The following FBXL5 variants were observed in gnomAD, a reference collection of about 807,000 sequenced individuals.
The protein encoded by FBXL5 is F-box/LRR-repeat protein 5.
A neutral mutation model predicts 78.3 loss-of-function variants in FBXL5; 26 were observed. The ratio of observed to expected loss-of-function variants is 0.33; its 90% CI spans 0.24 to 0.46. The LOEUF is 0.46. Ranked by LOEUF, FBXL5 falls within the 20% of genes least tolerant of loss-of-function variation. FBXL5 has a pLI of 1.00. For missense variants in FBXL5, 710 were observed against 829.2 expected (o/e 0.86, Z 1.77); for synonymous variants, 295 against 282.5 (o/e 1.04, Z -0.45).
chr4:15,613,245 A>C (rs1249159715), intron 9 of FBXL5, among the ~76,000 whole-genome samples: 3 of 152,146 alleles, frequency 2.0e-5, no homozygotes, highest in African/African-American at 7.2e-5. Context: ...TGGGATGATG[A>C]AAATGTTTTG....
intron 1 of FBXL5, among the ~76,000 whole-genome samples, chr4:15,651,919 C>G (rs969273079): frequency 6.6e-6 from 1 of 152,200 alleles, no homozygotes; most frequent in African/African-American, 2.4e-5. Context: ...ACTCCTGACA[C>G]TTTAATGTGG....
At chr4:15,676,492 T>G (rs1577522902) in intron 1 of FBXL5, among the ~76,000 whole-genome samples, 1 of 152,056 alleles carries the variant, frequency 6.6e-6, no homozygotes, top group East Asian at 1.9e-4. Flanking sequence ...CAAAGATATA[T>G]CAATAAAATG....
chr4:15,615,477 A>AATC (rs1300878982), intron 9 of FBXL5, among the ~76,000 whole-genome samples: 1 of 150,164 alleles, frequency 6.7e-6, no homozygotes. Context: ...TGAGTGCACC[A>AATC]GTCGACACTC....
At chr4:15,631,214 A>G (rs1478739809) in intron 5 of FBXL5, among the ~76,000 whole-genome samples, 1 of 152,196 alleles carries the variant, frequency 6.6e-6, no homozygotes, top group Non-Finnish European at 1.5e-5. Context: ...GATGGTTTCC[A>G]GCTTCATCCA....
chr4:15,660,478 A>G (rs899910598), upstream of FBXL5, among the ~76,000 whole-genome samples: 1 of 152,198 alleles, frequency 6.6e-6, no homozygotes, highest in Non-Finnish European at 1.5e-5. Flanking sequence ...CTACCTAGAA[A>G]TAGAGATGTC....
intron 1 of FBXL5, among the ~76,000 whole-genome samples, chr4:15,677,848 G>C (rs888976040): frequency 6.6e-6 from 1 of 152,200 alleles, no homozygotes; most frequent in African/African-American, 2.4e-5. Context: ...TATGGAGTCA[G>C]CCTGGAAGAA....
rs777080418 is a variant in FBXL5 at position 15,638,604 on chromosome 4, CCTT to C, written c.484_486del (p.Lys162del). 6.2e-7 allele frequency: 1 copy of C among 1,613,410 alleles called. No homozygotes were observed. Among genetic ancestry groups the C allele is most frequent in the South Asian group, 1.1e-5 (1 of 91,036 alleles). ...AGACCTCTAAGGAGTTCTGCAGTAT[CCTT>C]CTGAGAGCAGTGTTGTGCAATCACT... On this transcript the variant is annotated inframe_deletion, in exon 4 of 11. Transcript: ENST00000341285.
intron 9 of FBXL5, among the ~76,000 whole-genome samples, chr4:15,623,775 G>C (rs969404522): frequency 6.6e-6 from 1 of 151,854 alleles, no homozygotes; most frequent in African/African-American, 2.4e-5. Flanking sequence ...AGTTACCTCG[G>C]GGAAAACACT....
chr4:15,632,500 T>G (rs1713782002), intron 5 of FBXL5, among the ~76,000 whole-genome samples: 1 of 152,200 alleles, frequency 6.6e-6, no homozygotes, highest in South Asian at 2.1e-4. Context: ...CAAATTACCT[T>G]GGGCAGTATG....
At position 15,605,671 on chromosome 4, in the gene FBXL5, G is replaced by A. The variant is rs376736818; in HGVS notation, c.*52C>T. ...GAAATGTGCTATGAGTAAAGTGCAT[G>A]AAAGAAAGCCTGCTCAGCTAAATGA... On this transcript the variant is annotated 3_prime_UTR_variant, in exon 11 of 11. Coordinates refer to ENST00000341285, the MANE Select transcript of FBXL5 (RefSeq NM_012161.4). 2 of 1,515,396 alleles carry A rather than the reference G, an allele frequency of 1.3e-6. No individual in the cohort carries two copies. Among genetic ancestry groups the A allele is most frequent in the Non-Finnish European group, 1.8e-6 (2 of 1,093,578 alleles). 93.9% of individuals were successfully genotyped at this position (1,515,396 alleles called of 1,614,324 possible). A position where few individuals can be genotyped will look rare whatever the true frequency, so the allele number is the denominator to read the frequency against.
chr4:15,660,864 G>T (rs924529055), upstream of FBXL5, among the ~76,000 whole-genome samples: 2 of 152,048 alleles, frequency 1.3e-5, no homozygotes, highest in African/African-American at 4.8e-5. Context: ...ATCACTTCAG[G>T]TCAGGAGTTT....
At chr4:15,664,294 T>C (rs1053700904), upstream of FBXL5, among the ~76,000 whole-genome samples, 2 of 152,142 alleles carry the variant, frequency 1.3e-5, no homozygotes, top group African/African-American at 4.8e-5. Flanking sequence ...GAACTACTGG[T>C]TTCCCTGCTT....
intron 1 of FBXL5, among the ~76,000 whole-genome samples, chr4:15,677,089 ACT>A (rs1409630494): frequency 6.6e-6 from 1 of 152,130 alleles, no homozygotes; most frequent in African/African-American, 2.4e-5. Flanking sequence ...ACTATAATAA[ACT>A]CTGAAGACAA....
upstream of FBXL5, among the ~76,000 whole-genome samples, chr4:15,655,774 G>T (rs1357398404): frequency 6.6e-6 from 1 of 152,208 alleles, no homozygotes; most frequent in East Asian, 1.9e-4. Context: ...GGTGACCAAT[G>T]CTTCTGGCCA....
At chr4:15,612,775 C>G (rs1722354861) in intron 9 of FBXL5, among the ~76,000 whole-genome samples, 2 of 151,860 alleles carry the variant, frequency 1.3e-5, no homozygotes, top group Non-Finnish European at 2.9e-5. Context: ...AGCTTAAAAC[C>G]TAATAAGCAG....
chr4:15,650,035 G>A (rs1477001618), intron 1 of FBXL5, among the ~76,000 whole-genome samples: 2 of 152,118 alleles, frequency 1.3e-5, no homozygotes, highest in Non-Finnish European at 2.9e-5. Flanking sequence ...TAAAGCAACA[G>A]CTCTCACCAA....
At chr4:15,616,761 G>T (rs1711931869) in intron 9 of FBXL5, among the ~76,000 whole-genome samples, 2 of 152,132 alleles carry the variant, frequency 1.3e-5, no homozygotes, top group African/African-American at 4.8e-5. Context: ...CCTGTATTTT[G>T]CCCGGCTCTC....
intron 1 of FBXL5, among the ~76,000 whole-genome samples, chr4:15,667,722 A>C (rs542394927): frequency 1.2e-4 from 18 of 152,290 alleles, no homozygotes; most frequent in African/African-American, 4.3e-4. Flanking sequence ...GTTGGCCAGA[A>C]TATTTTTACT....
chr4:15,620,719 T>C (rs1395275672), intron 9 of FBXL5, among the ~76,000 whole-genome samples: 1 of 152,250 alleles, frequency 6.6e-6, no homozygotes, highest in Non-Finnish European at 1.5e-5. Context: ...GACATGTTCA[T>C]GATGGCCATA....
Sources: allele counts gnomAD v4.1 joint callset (sites outside exome capture counted in the v4.1 genomes callset), GRCh38; gene constraint gnomAD v4.1.1; transcripts MANE v1.5; gene names NCBI Gene and HGNC (gene_info 2026-07-23, HGNC 2026-07-21).